ALG10B: variants seen among roughly 807,000 people sequenced by gnomAD.
The protein encoded by ALG10B is ALG10 alpha-1,2-glucosyltransferase B.
In ALG10B, 27 loss-of-function variants were observed where a neutral mutation model predicts 38.7. The observed-to-expected ratio is 0.70, with a 90% CI of 0.51 to 0.96. ALG10B has a LOEUF of 0.96. Ranked by LOEUF, ALG10B falls within the 40% of genes least tolerant of loss-of-function variation. ALG10B has a pLI of 0.00. For missense variants in ALG10B, 522 were observed against 542.7 expected, an observed-to-expected ratio of 0.96 and a Z score of 0.38; for synonymous variants, 177 against 193.3, an observed-to-expected ratio of 0.92 and a Z score of 0.70.
At chr12:38,317,947 A>G in intron 1 of ALG10B, 1 of 388,374 alleles carries the variant, frequency 2.6e-6, no homozygotes, top group Non-Finnish European at 4.8e-6. Flanking sequence ...CAATGTTTCC[A>G]TGCTTTTAAA....
chr12:38,321,903 G>T lies in ALG10B; in HGVS notation c.*690G>T, dbSNP rs1945708205. On this transcript the variant is annotated 3_prime_UTR_variant, in exon 3 of 3. Coordinates refer to ENST00000308742, the MANE Select transcript of ALG10B (RefSeq NM_001013620.4). Reference sequence around the variant, plus strand: ...AATGTATGATGGCCAAAGACAAATTGTGTTGATTATAATCCTTTAAAAGGG... The same window carrying T: ...AATGTATGATGGCCAAAGACAAATTTTGTTGATTATAATCCTTTAAAAGGG... 1 of 152,304 alleles carries T rather than the reference G, an allele frequency of 6.6e-6. No homozygotes were observed. The highest frequency in any genetic ancestry group is 1.5e-5 in the Non-Finnish European group (1 of 68,018). 9.4% of individuals were successfully genotyped at this position (152,304 alleles called of 1,614,324 possible). A position where few individuals can be genotyped will look rare whatever the true frequency, so the allele number is the denominator to read the frequency against.
rs74087817 is a variant in ALG10B at position 38,324,736 on chromosome 12, A to G, written c.*3523A>G. ...TTCACTTGAAACAACTGAGAAGACC[A>G]TTCTTAGGTGTTTAGATCCTTGCTT... On this transcript the variant is annotated 3_prime_UTR_variant, in exon 3 of 3. Coordinates refer to ENST00000308742, the MANE Select transcript of ALG10B (RefSeq NM_001013620.4). The G allele has an allele frequency of 1.3e-5, 2 of 152,308 alleles. No homozygotes were observed. Among genetic ancestry groups the G allele is most frequent in the Admixed American group, 6.5e-5 (1 of 15,306 alleles). The allele number at this position is 152,308 out of a possible 1,614,324, so 9.4% of individuals were successfully genotyped here. A position where few individuals can be genotyped will look rare whatever the true frequency, so the allele number is the denominator to read the frequency against.
At chr12:38,318,959 A>G (rs575138448) in intron 2 of ALG10B, among the ~76,000 whole-genome samples, 5 of 152,338 alleles carry the variant, frequency 3.3e-5, no homozygotes, top group Non-Finnish European at 7.3e-5. Flanking sequence ...AATAAGAATA[A>G]CAATAGAATC....
At chr12:38,319,632 G>A (rs755333487) in intron 2 of ALG10B, among the ~76,000 whole-genome samples, 60 of 152,190 alleles carry the variant, frequency 3.9e-4, no homozygotes, top group Non-Finnish European at 5.6e-4. Flanking sequence ...GAAAAATACC[G>A]TTATTTCATC....
In ALG10B at chr12:38,324,013, C is replaced by A; in HGVS notation, c.*2800C>A. The A allele has an allele frequency of 2.9e-6, 2 of 687,762 alleles. No homozygotes were observed. Among genetic ancestry groups the A allele is most frequent in the South Asian group, 3.1e-5 (2 of 64,582 alleles). The allele number at this position is 687,762 out of a possible 1,614,324, so 42.6% of individuals were successfully genotyped here. A position where few individuals can be genotyped will look rare whatever the true frequency, so the allele number is the denominator to read the frequency against. ...AAAGAAGACTGCTCTTTGGAGGGATCACTGTTCTATATCTTTTTTTGTTTG... is the reference window on the plus strand; with the variant it reads ...AAAGAAGACTGCTCTTTGGAGGGATAACTGTTCTATATCTTTTTTTGTTTG... On this transcript the variant is annotated 3_prime_UTR_variant, in exon 3 of 3. Coordinates refer to ENST00000308742, the MANE Select transcript of ALG10B (RefSeq NM_001013620.4).
At position 38,324,665 on chromosome 12, in the gene ALG10B, C is replaced by A. The variant is rs1463551982; in HGVS notation, c.*3452C>A. 2 of 152,150 alleles carry A rather than the reference C, an allele frequency of 1.3e-5. No homozygotes were observed. Among genetic ancestry groups the A allele is most frequent in the African/African-American group, 4.8e-5 (2 of 41,448 alleles). 9.4% of individuals were successfully genotyped at this position (152,150 alleles called of 1,614,324 possible). A position where few individuals can be genotyped will look rare whatever the true frequency, so the allele number is the denominator to read the frequency against. ...TATGTAAGAACTTGGCACAACAGAT[C>A]ATTTTGCCTTTAGTCGTTCAAGAAA... On this transcript the variant is annotated 3_prime_UTR_variant, in exon 3 of 3. Coordinates refer to ENST00000308742, the MANE Select transcript of ALG10B (RefSeq NM_001013620.4).
chr12:38,317,036 A>G lies in ALG10B; in HGVS notation c.143A>G (p.Tyr48Cys), dbSNP rs768953246. ...TTCCACCTGCCTCAGGCGCAGCGCT[A>G]CTGTGAGGGCCATTTCTCCCTTTCC... Reference protein sequence around the residue: ...EIFHLPQAQRYCEGHFSLSQW... With the variant: ...EIFHLPQAQRCCEGHFSLSQW... Residue 48 changes from tyrosine (Y) to cysteine (C), a missense_variant, in exon 1 of 3, where the codon TAC (tyrosine) becomes TGC (cysteine). Tyr to Cys is a radical substitution (Grantham distance 194, BLOSUM62 -2). Transcript: ENST00000308742. 4 of 1,614,022 alleles carry G rather than the reference A, an allele frequency of 2.5e-6. No individual in the cohort carries two copies. Among genetic ancestry groups the G allele is most frequent in the East Asian group, 2.2e-5 (1 of 44,872 alleles).
chr12:38,318,153 T>A (rs1945672212), intron 1 of ALG10B, 108 bp from the exon 2 acceptor site: 1 of 1,395,192 alleles, frequency 7.2e-7, no homozygotes, highest in African/African-American at 1.4e-5. Flanking sequence ...TAGACTAACT[T>A]CTCAAAATTT....
chr12:38,319,374 A>G (rs1945682237), intron 2 of ALG10B, among the ~76,000 whole-genome samples: 1 of 152,198 alleles, frequency 6.6e-6, no homozygotes, highest in South Asian at 2.1e-4. Context: ...TTACAGGATT[A>G]GAAAGTAGAG....
rs1318651693 is a variant in ALG10B at position 38,322,713 on chromosome 12, C to G, written c.*1500C>G. On this transcript the variant is annotated 3_prime_UTR_variant, in exon 3 of 3. Coordinates refer to ENST00000308742, the MANE Select transcript of ALG10B (RefSeq NM_001013620.4). Reference sequence around the variant, plus strand: ...TGTAATAGATCTAAAAAAAGTCAAACATATTCCTTCTATCTAATTGAGGCT... The same window carrying G: ...TGTAATAGATCTAAAAAAAGTCAAAGATATTCCTTCTATCTAATTGAGGCT... 1 of 152,058 alleles carries G rather than the reference C, an allele frequency of 6.6e-6. No homozygotes were observed. The highest frequency in any genetic ancestry group is 1.5e-5 in the Non-Finnish European group (1 of 68,002). 9.4% of individuals were successfully genotyped at this position (152,058 alleles called of 1,614,324 possible).
In ALG10B at chr12:38,320,172, T is replaced by A. The variant is rs1209289160; in HGVS notation, c.381T>A (p.Ser127Arg). The change falls in exon 3 of 3, where the codon AGT (serine) becomes AGA (arginine). Residue 127 changes from serine to arginine, a missense_variant. By Grantham distance (110) the Ser-to-Arg change is moderately radical. Transcript: ENST00000308742. ...TTTCTTCCTCCAAGGCTGCCTCAAG[T>A]ATCCAGAGAGTCTTGTCAACATTAA... ...KVQPRNKAAS[S>R]IQRVLSTLTL... 1 of 1,614,024 alleles carries A rather than the reference T, an allele frequency of 6.2e-7. No homozygotes were observed. Among genetic ancestry groups the A allele is most frequent in the Non-Finnish European group, 8.5e-7 (1 of 1,179,908 alleles).
intron 1 of ALG10B, chr12:38,317,958 A>T: frequency 2.5e-6 from 1 of 403,190 alleles, no homozygotes; most frequent in Non-Finnish European, 4.6e-6. Context: ...TGCTTTTAAA[A>T]ACTGGAGCAT....
chr12:38,318,592 GTAAATT>G (rs1295191674), intron 2 of ALG10B, 134 bp downstream of exon 2: 2 of 1,087,262 alleles, frequency 1.8e-6, no homozygotes, highest in African/African-American at 3.2e-5. Flanking sequence ...TTATGTAAAG[GTAAATT>G]TAAATTCTCC....
chr12:38,317,065 G>C lies in ALG10B; in HGVS notation c.171+1G>C, dbSNP rs553770263. On this transcript the variant is annotated splice_donor_variant, in intron 1 of 2. Transcript: ENST00000308742. LOFTEE classifies it high-confidence loss of function. The stretch of plus-strand genomic sequence containing the variant: ...TGAGGGCCATTTCTCCCTTTCCCAG[G>C]TGGGGTGCCCAACCTGTCCCCACCC... 3 of 1,614,094 alleles carry C rather than the reference G, an allele frequency of 1.9e-6. No individual in the cohort carries two copies. The highest frequency in any genetic ancestry group is 1.3e-5 in the African/African-American group (1 of 75,010).
Position 38,324,063 on chromosome 12 carries a change from G to C in ALG10B, c.*2850G>C. ...GTTTTTGTCTTTGAGGAGAAGTCTC[G>C]CTCTTGTCCCCCAGGCTGGAATGCA... On this transcript the variant is annotated 3_prime_UTR_variant, in exon 3 of 3. Transcript: ENST00000308742. 1.6e-6 allele frequency: 1 copy of C among 644,754 alleles called. No individual in the cohort carries two copies. Among genetic ancestry groups the C allele is most frequent in the South Asian group, 1.7e-5 (1 of 57,672 alleles). 39.9% of individuals were successfully genotyped at this position (644,754 alleles called of 1,614,324 possible).
At position 38,320,500 on chromosome 12, in the gene ALG10B, C is replaced by A; in HGVS notation, c.709C>A (p.Leu237Ile). ...AGAATTCAGAAAAATTCTTCAGTTT[C>A]TTTTGGCTTATTCCATGTCCTTTAA... ...FAEFRKILQF[L>I]LAYSMSFKNL... Residue 237 changes from leucine (L) to isoleucine (I), a missense_variant, in exon 3 of 3, where the codon CTT becomes ATT. Physicochemically the swap from Leu to Ile is conservative, Grantham distance 5. Coordinates refer to ENST00000308742, the MANE Select transcript of ALG10B (RefSeq NM_001013620.4). 6.2e-7 allele frequency: 1 copy of A among 1,614,020 alleles called. No individual in the cohort carries two copies. Among genetic ancestry groups the A allele is most frequent in the Non-Finnish European group, 8.5e-7 (1 of 1,179,952 alleles).
rs748006165 is a variant in ALG10B at position 38,320,756 on chromosome 12, A to C, written c.965A>C (p.His322Pro). Residue 322 changes from histidine to proline, a missense_variant, in exon 3 of 3, where the codon CAT becomes CCT. By Grantham distance (77) the His-to-Pro change is moderately conservative (BLOSUM62 -2). Transcript: ENST00000308742. ...ACTTTTCTTTCCTTAGTTTGGAAACATGGAATTCTGTTTTTGGTGGTTACC... is the reference window on the plus strand; with the variant it reads ...ACTTTTCTTTCCTTAGTTTGGAAACCTGGAATTCTGTTTTTGGTGGTTACC... ...IKTFLSLVWK[H>P]GILFLVVTLV... 1 of 1,613,774 alleles carries C rather than the reference A, an allele frequency of 6.2e-7. No individual in the cohort carries two copies. The highest frequency in any genetic ancestry group is 2.2e-5 in the East Asian group (1 of 44,856).
intron 2 of ALG10B, 92 bp from the exon 3 acceptor site, chr12:38,320,061 TTTGAGTAG>T: frequency 1.4e-6 from 2 of 1,412,962 alleles, no homozygotes; most frequent in Middle Eastern, 1.8e-4. Flanking sequence ...TTAAATAAGG[TTTGAGTAG>T]TTGAGTAGTT....
chr12:38,326,542 A>AATCAG lies in ALG10B; in HGVS notation c.*5329_*5330insATCAG, dbSNP rs1945746453. 1 of 28,298 alleles carries AATCAG rather than the reference A, an allele frequency of 3.5e-5. No homozygotes were observed. The highest frequency in any genetic ancestry group is 6.0e-5 in the Non-Finnish European group (1 of 16,612). 1.8% of individuals were successfully genotyped at this position (28,298 alleles called of 1,614,324 possible). A position where few individuals can be genotyped will look rare whatever the true frequency, so the allele number is the denominator to read the frequency against. ...ATTGCTTTTTATTTAAAATAAGAAA[A>AATCAG]TATTCTTATTTCTATTTAAAATAAG... On this transcript the variant is annotated 3_prime_UTR_variant, in exon 3 of 3. Coordinates refer to ENST00000308742, the MANE Select transcript of ALG10B (RefSeq NM_001013620.4).
Sources: gnomAD v4.1 joint callset for allele counts (sites outside exome capture counted in the v4.1 genomes callset) on GRCh38, gnomAD v4.1.1 for gene constraint, MANE v1.5 for transcripts, NCBI Gene and HGNC (gene_info 2026-07-23, HGNC 2026-07-21) for gene names.